The following CCDC60 variants were observed in gnomAD, a reference collection of about 807,000 sequenced individuals.
CCDC60 encodes the protein coiled-coil domain-containing protein 60.
A neutral mutation model predicts 63.5 loss-of-function variants in CCDC60; 54 were observed. That is an observed-to-expected ratio of 0.85 (90% CI 0.68 to 1.07). The LOEUF is 1.07. Ranked by LOEUF, CCDC60 falls within the 50% of genes least tolerant of loss-of-function variation. CCDC60 has a pLI of 0.00. For synonymous variants in CCDC60, 206 were observed against 238.8 expected (o/e 0.86, Z 1.27); for missense variants, 651 against 684.3 (o/e 0.95, Z 0.54).
intron 12 of CCDC60, among the ~76,000 whole-genome samples, chr12:119,530,156 T>C (rs1593224000): frequency 6.6e-6 from 1 of 152,110 alleles, no homozygotes; most frequent in South Asian, 2.1e-4. Flanking sequence ...ATATAATAAA[T>C]ATATATCCTA....
chr12:119,484,118 A>T (rs1951385956), intron 4 of CCDC60, among the ~76,000 whole-genome samples: 1 of 152,180 alleles, frequency 6.6e-6, no homozygotes, highest in Admixed American at 6.5e-5. Context: ...GCACGAATTC[A>T]GAAGCCAGAC....
intron 5 of CCDC60, among the ~76,000 whole-genome samples, chr12:119,497,662 C>G (rs949631239): frequency 1.3e-5 from 2 of 151,690 alleles, no homozygotes; most frequent in African/African-American, 4.8e-5. Context: ...TTTTGAACTT[C>G]GAGAAGAAGG....
intron 4 of CCDC60, among the ~76,000 whole-genome samples, chr12:119,486,532 A>G (rs1951443886): frequency 6.6e-6 from 1 of 152,196 alleles, no homozygotes; most frequent in African/African-American, 2.4e-5. Flanking sequence ...TATTTAATAA[A>G]AAAAATTGAA....
At chr12:119,408,856 G>T (rs10849659) in intron 1 of CCDC60, among the ~76,000 whole-genome samples, 34,478 of 151,704 alleles carry the variant, frequency 0.23, 4,048 homozygotes, top group South Asian at 0.41. Context: ...AGCAATAACC[G>T]CAATGACATT....
At chr12:119,409,187 C>T (rs1168262762) in intron 1 of CCDC60, among the ~76,000 whole-genome samples, 1 of 152,150 alleles carries the variant, frequency 6.6e-6, no homozygotes, top group Non-Finnish European at 1.5e-5. Flanking sequence ...AGATCCTGAT[C>T]ATCGCCAACC....
intron 4 of CCDC60, among the ~76,000 whole-genome samples, chr12:119,482,685 C>T (rs562794911): frequency 1.1e-4 from 16 of 152,228 alleles, no homozygotes; most frequent in African/African-American, 3.9e-4. Flanking sequence ...CAGATCACCT[C>T]GACATGGAGT....
intron 2 of CCDC60, among the ~76,000 whole-genome samples, chr12:119,462,227 G>C (rs537746666): frequency 6.6e-6 from 1 of 152,340 alleles, no homozygotes; most frequent in South Asian, 2.1e-4. Context: ...CTAGGGGTTT[G>C]CTACAGACTT....
intron 13 of CCDC60, among the ~76,000 whole-genome samples, chr12:119,535,557 A>G (rs534850220): frequency 2.0e-5 from 3 of 152,296 alleles, no homozygotes; most frequent in African/African-American, 7.2e-5. Context: ...ATTTAGTGCT[A>G]TAAATTTTCC....
rs563869042 is a variant in CCDC60, at chr12:119,428,934, C to T, written c.170+172C>T. ...GGAGCAGAGGGCAGGATCGCTTTCT[C>T]AGCTGGACTTTCCAGGGAGTACCCA... On this transcript the variant is annotated intron_variant, in intron 2 of 13. Coordinates refer to ENST00000327554, the MANE Select transcript of CCDC60 (RefSeq NM_178499.5). 1.3e-4 allele frequency: 68 copies of T among 505,912 alleles called. 2 individuals are homozygous for T. The South Asian group carries it at 2.1e-3, about 15-fold the overall frequency. The allele number at this position is 505,912 out of a possible 1,614,324, so 31.3% of individuals were successfully genotyped here. A position where few individuals can be genotyped will look rare whatever the true frequency, so the allele number is the denominator to read the frequency against.
At chr12:119,383,979 G>A (rs1012094191) in intron 1 of CCDC60, among the ~76,000 whole-genome samples, 3 of 152,106 alleles carry the variant, frequency 2.0e-5, no homozygotes, top group Non-Finnish European at 4.4e-5. Flanking sequence ...GGCGGATCAC[G>A]AGGTCAGGAG....
intron 9 of CCDC60, 34 bp downstream of exon 9, chr12:119,520,226 C>T (rs768065980): frequency 1.2e-5 from 19 of 1,585,360 alleles, no homozygotes; most frequent in South Asian, 3.3e-5. Flanking sequence ...CAGGTGCCTC[C>T]GAAGGCAGCC....
At chr12:119,488,733 T>C in intron 4 of CCDC60, 26 bp from the exon 5 acceptor site, 2 of 1,601,396 alleles carry the variant, frequency 1.2e-6, no homozygotes, top group Non-Finnish European at 1.7e-6. Context: ...AGGATCCCAC[T>C]GTGTTCCCTC....
chr12:119,377,555 G>C (rs573076755), intron 1 of CCDC60, among the ~76,000 whole-genome samples: 1 of 152,146 alleles, frequency 6.6e-6, no homozygotes, highest in South Asian at 2.1e-4. Context: ...AGTAACAACT[G>C]GTCACTATAT....
intron 1 of CCDC60, among the ~76,000 whole-genome samples, chr12:119,392,737 C>T (rs529486548): frequency 6.6e-6 from 1 of 152,310 alleles, no homozygotes; most frequent in South Asian, 2.1e-4. Context: ...TCAGCCATGG[C>T]AATGTATGAA....
intron 2 of CCDC60, among the ~76,000 whole-genome samples, chr12:119,434,409 A>G (rs1175618522): frequency 1.3e-5 from 2 of 152,084 alleles, no homozygotes; most frequent in East Asian, 1.9e-4. Flanking sequence ...ATTGCTGTAT[A>G]TATTGGAGAT....
chr12:119,355,592 G>GGAA (rs1343404979), intron 1 of CCDC60, among the ~76,000 whole-genome samples: 3 of 152,288 alleles, frequency 2.0e-5, no homozygotes, highest in African/African-American at 7.2e-5. Flanking sequence ...CTTTGCCCAG[G>GGAA]GAAGAATTCA....
chr12:119,532,173 A>G (rs1952861684), intron 13 of CCDC60, among the ~76,000 whole-genome samples: 1 of 151,968 alleles, frequency 6.6e-6, no homozygotes, highest in African/African-American at 2.4e-5. Flanking sequence ...TTCAGGAAAG[A>G]TTCTAGCAGG....
chr12:119,425,861 T>C (rs1222961365), intron 1 of CCDC60, among the ~76,000 whole-genome samples: 4 of 152,180 alleles, frequency 2.6e-5, no homozygotes, highest in Non-Finnish European at 5.9e-5. Context: ...GTTTGTGCTG[T>C]TTGGCTTCAG....
chr12:119,526,056 CA>C, intron 11 of CCDC60, among the ~76,000 whole-genome samples: 1 of 152,048 alleles, frequency 6.6e-6, no homozygotes, highest in East Asian at 1.9e-4. Context: ...GATACTGGTA[CA>C]AAAACAGGCA....
Sources: gnomAD v4.1 joint callset for allele counts (sites outside exome capture counted in the v4.1 genomes callset) on GRCh38, gnomAD v4.1.1 for gene constraint, MANE v1.5 for transcripts, NCBI Gene and HGNC (gene_info 2026-07-23, HGNC 2026-07-21) for gene names.